The following CPNE5 variants were observed in gnomAD, a reference collection of about 807,000 sequenced individuals.
CPNE5 encodes copine-5.
A neutral mutation model predicts 81.1 loss-of-function variants in CPNE5; 42 were observed. The observed-to-expected ratio is 0.52, with a 90% CI of 0.40 to 0.67. The LOEUF (loss-of-function observed/expected upper bound fraction) is 0.67. CPNE5 is among the 30% of genes least tolerant of loss of function. The pLI, the probability that CPNE5 is intolerant of heterozygous loss-of-function variation, is 0.00. For synonymous variants in CPNE5, 313 were observed against 321.5 expected (o/e 0.97, Z 0.28); for missense variants, 612 against 815.5 (o/e 0.75, Z 3.04).
At chr6:36,819,946 A>G (rs963282996) in intron 3 of CPNE5, among the ~76,000 whole-genome samples, 1 of 152,204 alleles carries the variant, frequency 6.6e-6, no homozygotes, top group East Asian at 1.9e-4. Context: ...CGCAATCTCC[A>G]GCCAGCTCAG....
chr6:36,819,388 C>T (rs686391), intron 3 of CPNE5, among the ~76,000 whole-genome samples: 78,059 of 151,896 alleles, frequency 0.51, 20,241 homozygotes, highest in East Asian at 0.68. Context: ...GCATGAGCCA[C>T]GGCGTCTGGC....
At position 36,745,197 on chromosome 6, in the gene CPNE5, G is replaced by A. The variant is rs148086429; in HGVS notation, c.1329-47C>T. 1.0e-4 allele frequency: 154 copies of A among 1,519,904 alleles called. No homozygotes were observed. The African/African-American group carries it at 1.8e-3, about 17-fold the overall frequency. The allele number at this position is 1,519,904 out of a possible 1,614,324, so 94.2% of individuals were successfully genotyped here. ...TCAGGTCTGTCTGCGGGACCTCTGG[G>A]CATGTTCCCCCCTAAACAAGGACCC... On this transcript the variant is annotated intron_variant, in intron 17 of 20. Transcript: ENST00000244751.
At chr6:36,748,978 C>T (rs1299316651) in intron 14 of CPNE5, among the ~76,000 whole-genome samples, 2 of 152,144 alleles carry the variant, frequency 1.3e-5, no homozygotes, top group Admixed American at 1.3e-4. Flanking sequence ...GCTCTGTCAC[C>T]CAGGCTGAAA....
Position 36,822,165 on chromosome 6 carries a change from G to C in CPNE5, c.137-5C>G, listed in dbSNP as rs773592533. ...CTTGGGTATACATGACGCACACTGCGGGGGGAGGAGAAACAGTGGATTAAT... is the reference window on the plus strand; with the variant it reads ...CTTGGGTATACATGACGCACACTGCCGGGGGAGGAGAAACAGTGGATTAAT... On this transcript the variant is annotated splice_region_variant and splice_polypyrimidine_tract_variant and intron_variant, in intron 2 of 20. Transcript: ENST00000244751. 5.2e-5 allele frequency: 76 copies of C among 1,454,954 alleles called. No individual in the cohort carries two copies. The highest frequency in any genetic ancestry group is 6.6e-5 in the Non-Finnish European group (72 of 1,085,522). The allele number at this position is 1,454,954 out of a possible 1,614,324, so 90.1% of individuals were successfully genotyped here.
chr6:36,774,376 G>A (rs1224611868), intron 10 of CPNE5, among the ~76,000 whole-genome samples: 4 of 152,150 alleles, frequency 2.6e-5, no homozygotes, highest in Non-Finnish European at 4.4e-5. Context: ...GTGACTGAGC[G>A]AGACCCTGTC....
chr6:36,748,681 T>C (rs1227023703), intron 14 of CPNE5, among the ~76,000 whole-genome samples: 1 of 152,206 alleles, frequency 6.6e-6, no homozygotes, highest in East Asian at 1.9e-4. Flanking sequence ...ATAGACATTA[T>C]GCATCTCCTA....
chr6:36,790,560 A>T (rs1768991995), intron 8 of CPNE5, among the ~76,000 whole-genome samples: 1 of 152,150 alleles, frequency 6.6e-6, no homozygotes, highest in African/African-American at 2.4e-5. Flanking sequence ...TTAAATGATT[A>T]TTGGGAGTTA....
intron 1 of CPNE5, among the ~76,000 whole-genome samples, chr6:36,827,151 C>T (rs1036863283): frequency 6.6e-6 from 1 of 152,168 alleles, no homozygotes; most frequent in South Asian, 2.1e-4. Context: ...CCCAGCTCAG[C>T]CCCTCTTCAG....
At chr6:36,812,916 T>C (rs1771225632) in intron 3 of CPNE5, among the ~76,000 whole-genome samples, 1 of 152,276 alleles carries the variant, frequency 6.6e-6, no homozygotes, top group Non-Finnish European at 1.5e-5. Flanking sequence ...GCTTTGTGCC[T>C]TAGCAATGCT....
rs78970079 is a variant in CPNE5 at position 36,824,492 on chromosome 6, C to T, written c.96-1394G>A. Among the ~76,000 whole-genome samples the T allele has an allele frequency of 3.9e-3, 599 of 152,350 alleles. 4 individuals carry two copies. The highest frequency in any genetic ancestry group is 7.4e-3 in the Non-Finnish European group (501 of 68,030). The stretch of plus-strand genomic sequence containing the variant: ...GTCTTGGTTCTTTTCCCAACCATCT[C>T]AGCCTTGTCCCGCCTCCCTTCCGGA... On this transcript the variant is annotated intron_variant, in intron 1 of 20. Transcript: ENST00000244751.
intron 12 of CPNE5, among the ~76,000 whole-genome samples, chr6:36,760,946 T>C (rs567032536): frequency 1.3e-5 from 2 of 152,376 alleles, no homozygotes; most frequent in African/African-American, 4.8e-5. Flanking sequence ...CTTTTTCAGC[T>C]GATGGCCTTC....
chr6:36,749,896 A>G (rs191647433), intron 14 of CPNE5, among the ~76,000 whole-genome samples: 4 of 152,332 alleles, frequency 2.6e-5, no homozygotes, highest in African/African-American at 9.6e-5. Context: ...TGGCCATTCT[A>G]GGTTCTCTGC....
Position 36,746,384 on chromosome 6 carries a change from G to A in CPNE5, c.1200+12C>T, listed in dbSNP as rs761195384. 7.5e-5 allele frequency: 112 copies of A among 1,500,490 alleles called. 1 individual carries two copies. The highest frequency in any genetic ancestry group is 4.2e-4 in the Middle Eastern group (2 of 4,776). 92.9% of individuals were successfully genotyped at this position (1,500,490 alleles called of 1,614,324 possible). On this transcript the variant is annotated intron_variant, in intron 16 of 20. Transcript: ENST00000244751. The surrounding 1 kb of genome is among the most constrained non-coding windows in gnomAD (Gnocchi z 4.5). The stretch of plus-strand genomic sequence containing the variant: ...CTGATCAGTCCTCTCTCCCACCAGC[G>A]GGACCACCTACCAGTGGGAACTCGT...
chr6:36,764,545 T>G (rs1273465450), intron 11 of CPNE5, among the ~76,000 whole-genome samples: 1 of 152,162 alleles, frequency 6.6e-6, no homozygotes, highest in Non-Finnish European at 1.5e-5. Flanking sequence ...AATGGAAATG[T>G]CACAAAAGTC....
intron 8 of CPNE5, among the ~76,000 whole-genome samples, chr6:36,780,506 G>A (rs1217070219): frequency 6.6e-6 from 1 of 152,220 alleles, no homozygotes; most frequent in African/African-American, 2.4e-5. Flanking sequence ...TGTGTGCTCA[G>A]TTTCCCTACT....
Position 36,746,589 on chromosome 6 carries a change from G to A in CPNE5, c.1019-12C>T, listed in dbSNP as rs1382170589. 7 of 1,605,498 alleles carry A rather than the reference G, an allele frequency of 4.4e-6. No individual in the cohort carries two copies. Among genetic ancestry groups the A allele is most frequent in the East Asian group, 2.3e-5 (1 of 44,152 alleles). ...CTGTGAGGGGTTCCCTGTAACACAG[G>A]ACATGGGAGCCTTTGACCATCTGGA... is the stretch of plus-strand genomic sequence containing the variant. On this transcript the variant is annotated splice_polypyrimidine_tract_variant and intron_variant, in intron 15 of 20. Transcript: ENST00000244751. The surrounding 1 kb of genome is among the most constrained non-coding windows in gnomAD (Gnocchi z 4.5).
intron 11 of CPNE5, among the ~76,000 whole-genome samples, chr6:36,764,330 G>T (rs535574611): frequency 6.6e-6 from 1 of 152,036 alleles, no homozygotes; most frequent in South Asian, 2.1e-4. Context: ...AGGGCATAGC[G>T]GCTCTGGAGC....
chr6:36,755,905 G>T, intron 13 of CPNE5: 1 of 365,382 alleles, frequency 2.7e-6, no homozygotes. Context: ...GCCTCTCAGG[G>T]CAACAACCTG....
intron 6 of CPNE5, among the ~76,000 whole-genome samples, chr6:36,794,952 G>A (rs1769438292): frequency 6.6e-6 from 1 of 152,110 alleles, no homozygotes; most frequent in South Asian, 2.1e-4. Flanking sequence ...CTGCGGGGTG[G>A]AGCCCAGCAA....
Sources: gnomAD v4.1 joint callset for allele counts (sites outside exome capture counted in the v4.1 genomes callset) on GRCh38, gnomAD v4.1.1 for gene constraint, Gnocchi (gnomAD v3.1) non-coding constraint, MANE v1.5 for transcripts, NCBI Gene and HGNC (gene_info 2026-07-23, HGNC 2026-07-21) for gene names.